Variants in OLFML2B observed in about 807,000 individuals in gnomAD.
OLFML2B encodes olfactomedin like 2B.
A neutral mutation model predicts 74.9 loss-of-function variants in OLFML2B; 57 were observed. The observed-to-expected ratio is 0.76, with a 90% confidence interval of 0.61 to 0.95. The LOEUF (loss-of-function observed/expected upper bound fraction) is 0.95. Ranked by LOEUF, OLFML2B falls within the 40% of genes least tolerant of loss-of-function variation. OLFML2B has a pLI of 0.00. For missense variants in OLFML2B, 986 were observed against 970.6 expected, an observed-to-expected ratio of 1.02 and a Z score of -0.21; for synonymous variants, 388 against 405.8, an observed-to-expected ratio of 0.96 and a Z score of 0.53.
intron 6 of OLFML2B, among the ~76,000 whole-genome samples, chr1:161,986,622 C>G (rs952178706): frequency 6.6e-6 from 1 of 152,180 alleles, no homozygotes; most frequent in Admixed American, 6.5e-5. Context: ...CTCATCTGTT[C>G]AAGACAATAA....
At chr1:162,011,706 G>A (rs560686456) in intron 3 of OLFML2B, among the ~76,000 whole-genome samples, 2 of 152,346 alleles carry the variant, frequency 1.3e-5, no homozygotes, top group African/African-American at 4.8e-5. Flanking sequence ...AAGATGACTT[G>A]ACCCAGCTTG....
intron 4 of OLFML2B, 22 bp downstream of exon 4, chr1:162,006,275 C>G: frequency 6.5e-7 from 1 of 1,533,294 alleles, no homozygotes; most frequent in Non-Finnish European, 8.7e-7. Context: ...TGATCAGAGG[C>G]CCTTGGAGGC....
intron 6 of OLFML2B, among the ~76,000 whole-genome samples, chr1:161,987,885 T>C (rs1689635718): frequency 6.6e-6 from 1 of 152,028 alleles, no homozygotes; most frequent in Non-Finnish European, 1.5e-5. Context: ...GCAGGACAAA[T>C]GCAAATGATT....
chr1:162,000,677 G>A (rs137862716), intron 4 of OLFML2B, among the ~76,000 whole-genome samples: 24 of 152,254 alleles, frequency 1.6e-4, no homozygotes, highest in African/African-American at 5.5e-4. Context: ...TATGCTTGAC[G>A]TATACTGCCC....
chr1:161,992,982 T>G (rs565481352), intron 6 of OLFML2B, among the ~76,000 whole-genome samples: 2 of 150,040 alleles, frequency 1.3e-5, no homozygotes, highest in Non-Finnish European at 1.5e-5. Context: ...ATGCACTCTC[T>G]GTGAAGTACA....
intron 3 of OLFML2B, among the ~76,000 whole-genome samples, chr1:162,011,884 G>A (rs1325468922): frequency 6.6e-6 from 1 of 152,174 alleles, no homozygotes; most frequent in African/African-American, 2.4e-5. Flanking sequence ...TTCCTAGGCC[G>A]ACGGATGGAG....
rs775899611 is a variant in OLFML2B at position 162,020,155 on chromosome 1, C to T, written c.202G>A (p.Ala68Thr). 1.2e-6 allele frequency: 2 copies of T among 1,614,184 alleles called. No individual in the cohort carries two copies. Among genetic ancestry groups the T allele is most frequent in the Non-Finnish European group, 8.5e-7 (1 of 1,180,016 alleles). The change falls in exon 2 of 8, where the codon GCT (alanine) becomes ACT (threonine). Residue 68 changes from alanine (A) to threonine (T), a missense_variant. Coordinates refer to ENST00000294794, the MANE Select transcript of OLFML2B (RefSeq NM_015441.3). The part of the protein sequence containing the change: ...QLLGDYDKVK[A>T]MSEGSDCQCK... ...TGACAGTCCGAGCCCTCAGACATAG[C>T]CTTGACCTTGTCATAGTCCCCCAGC...
rs144420286 is a variant in OLFML2B at position 162,012,437 on chromosome 1, C to A, written c.546+4963G>T. On this transcript the variant is annotated intron_variant, in intron 3 of 7. Coordinates refer to ENST00000294794, the MANE Select transcript of OLFML2B (RefSeq NM_015441.3). ...AAAGCTTTAGGTGTGGGGGAGAAGC[C>A]CTCAGCAATGCCTGTGCCAGTACAT... 2.6e-3 allele frequency among the ~76,000 whole-genome samples: 390 copies of A among 152,304 alleles called. 2 individuals are homozygous for A. Among genetic ancestry groups the A allele is most frequent in the African/African-American group, 8.0e-3 (334 of 41,568 alleles).
At chr1:162,017,038 C>A (rs1690560757) in intron 3 of OLFML2B, among the ~76,000 whole-genome samples, 1 of 152,094 alleles carries the variant, frequency 6.6e-6, no homozygotes, top group Admixed American at 6.5e-5. Context: ...GAACCATATA[C>A]AAAGGAAGGA....
intron 3 of OLFML2B, among the ~76,000 whole-genome samples, chr1:162,015,925 C>G (rs1255995164): frequency 6.6e-6 from 1 of 152,218 alleles, no homozygotes; most frequent in Non-Finnish European, 1.5e-5. Flanking sequence ...CCCCTCTCAT[C>G]AGACCTCATA....
intron 6 of OLFML2B, among the ~76,000 whole-genome samples, chr1:161,996,386 A>G (rs1394315108): frequency 1.3e-5 from 2 of 152,212 alleles, no homozygotes; most frequent in Non-Finnish European, 2.9e-5. Context: ...CCAAAGTCAC[A>G]CAGCTATCAA....
intron 1 of OLFML2B, among the ~76,000 whole-genome samples, chr1:162,020,966 G>C (rs1690688410): frequency 6.6e-6 from 1 of 152,248 alleles, no homozygotes; most frequent in Admixed American, 6.5e-5. Context: ...GAAGGATAAA[G>C]AGATGGGCCA....
rs36108216 is a variant in OLFML2B, at chr1:162,000,256, A to G, written c.806T>C (p.Leu269Pro). 9.6e-3 allele frequency: 15,554 copies of G among 1,613,816 alleles called. 175 individuals carry two copies. Among genetic ancestry groups the G allele is most frequent in the East Asian group, 0.037 (1,668 of 44,878 alleles). The change falls in exon 5 of 8, where the codon CTG (leucine) becomes CCG (proline). Residue 269 changes from leucine to proline, a missense_variant. Transcript: ENST00000294794. ...CCGCTGTGACTTCACCACCTCAGGC[A>G]GAGCCAGGGGTCGCGTCTGCAGAAG... ...IELLQTRPLA[L>P]PEVVKSQRPL...
intron 7 of OLFML2B, 140 bp downstream of exon 7, chr1:161,984,664 C>A: frequency 1.1e-6 from 1 of 903,486 alleles, no homozygotes; most frequent in Non-Finnish European, 1.7e-6. Flanking sequence ...GGACCGCTCT[C>A]CAAGGAAAGG....
At chr1:162,010,713 G>A (rs1240758894) in intron 3 of OLFML2B, among the ~76,000 whole-genome samples, 1 of 152,210 alleles carries the variant, frequency 6.6e-6, no homozygotes, top group East Asian at 1.9e-4. Flanking sequence ...CTGTGGTCTC[G>A]TTTTTACAAA....
At position 161,984,245 on chromosome 1, in the gene OLFML2B, G is replaced by A. The variant is rs781705475; in HGVS notation, c.1683C>T (p.Tyr561=). Residue 561 remains tyrosine (Y), a synonymous_variant, in exon 8 of 8, where the codon TAC becomes TAT. Transcript: ENST00000294794. ...CCACGTGGCCTGTGCCGATCCAGCT[G>A]TACGGGAGCTTGTAGGAATTGCTCC... ...GRWSNSYKLP[Y]SWIGTGHVVY... 3.3e-6 allele frequency: 5 copies of A among 1,524,328 alleles called. No homozygotes were observed. In the Admixed American group the frequency reaches 6.5e-5, roughly 20 times the overall value. The allele number at this position is 1,524,328 out of a possible 1,614,324, so 94.4% of individuals were successfully genotyped here. A position where few individuals can be genotyped will look rare whatever the true frequency, so the allele number is the denominator to read the frequency against.
chr1:162,005,962 T>C (rs995828214), intron 4 of OLFML2B, among the ~76,000 whole-genome samples: 1 of 146,620 alleles, frequency 6.8e-6, no homozygotes, highest in Non-Finnish European at 1.5e-5. Flanking sequence ...ACCAGGATGG[T>C]CCCAGACAAG....
chr1:162,006,340 G>A lies in OLFML2B; in HGVS notation c.680C>T (p.Ser227Leu). The change falls in exon 4 of 8, where the codon TCA becomes TTA. Residue 227 changes from serine to leucine, a missense_variant. Ser to Leu is a moderately radical substitution (Grantham distance 145). Coordinates refer to ENST00000294794, the MANE Select transcript of OLFML2B (RefSeq NM_015441.3). Reference sequence around the variant, plus strand: ...TGCTGCTGCATCCCTCTGCAGGGCTGAGCGGATGTCTGGCATGCTATCTAG... The same window carrying A: ...TGCTGCTGCATCCCTCTGCAGGGCTAAGCGGATGTCTGGCATGCTATCTAG... ...NILDSMPDIR[S>L]ALQRDAAAAY... 3 of 1,612,228 alleles carry A rather than the reference G, an allele frequency of 1.9e-6. No homozygotes were observed. The highest frequency in any genetic ancestry group is 2.7e-5 in the African/African-American group (2 of 74,740).
At chr1:161,989,336 G>A (rs1008745440) in intron 6 of OLFML2B, among the ~76,000 whole-genome samples, 2 of 152,216 alleles carry the variant, frequency 1.3e-5, no homozygotes, top group Non-Finnish European at 2.9e-5. Context: ...ACAGGGGTCA[G>A]GCAGGAGCTG....
Sources: gnomAD v4.1 joint callset for allele counts (sites outside exome capture counted in the v4.1 genomes callset) on GRCh38, gnomAD v4.1.1 for gene constraint, MANE v1.5 for transcripts, NCBI Gene and HGNC (gene_info 2026-07-23, HGNC 2026-07-21) for gene names.